The following CFAP99 variants were observed in gnomAD, a reference collection of about 807,000 sequenced individuals.
CFAP99 encodes cilia and flagella associated protein 99.
A neutral mutation model predicts 82.7 loss-of-function variants in CFAP99; 84 were observed. That is an observed-to-expected ratio of 1.02 (90% confidence interval 0.85 to 1.22). CFAP99 has a LOEUF of 1.22. Ranked by LOEUF, CFAP99 falls within the 50% of genes most tolerant of loss-of-function variation. CFAP99 has a pLI of 0.00. For synonymous variants in CFAP99, 456 were observed against 429.5 expected (o/e 1.06, Z -0.76); for missense variants, 1,059 against 983.5 (o/e 1.08, Z -1.03).
In CFAP99 at chr4:2,434,075, G is replaced by A. The variant is rs139828205; in HGVS notation, c.112-2799G>A. ...GAAGGGCCAGGAAGACAGACCGAGA[G>A]ACACGCTGGGAGTAAGGAACCACGT... is the stretch of plus-strand genomic sequence containing the variant. On this transcript the variant is annotated intron_variant, in intron 2 of 14. Transcript: ENST00000635017. Among the ~76,000 whole-genome samples, 304 of 152,366 alleles carry A rather than the reference G, an allele frequency of 2.0e-3. 1 individual carries two copies. Among genetic ancestry groups the A allele is most frequent in the South Asian group, 2.7e-3 (13 of 4,826 alleles).
chr4:2,422,450 G>A (rs929726289), intron 1 of CFAP99, among the ~76,000 whole-genome samples: 4 of 152,130 alleles, frequency 2.6e-5, no homozygotes, highest in South Asian at 4.1e-4. Flanking sequence ...ATTGGGGGGC[G>A]GGCTTGGCAT....
At chr4:2,460,837 C>T (rs1358968170) in intron 14 of CFAP99, among the ~76,000 whole-genome samples, 1 of 152,152 alleles carries the variant, frequency 6.6e-6, no homozygotes, top group Non-Finnish European at 1.5e-5. Flanking sequence ...GCAACCTCTG[C>T]CTCCCAGGTT....
At chr4:2,432,707 T>TGGGTCC (rs1198624344) in intron 2 of CFAP99, among the ~76,000 whole-genome samples, 16 of 152,230 alleles carry the variant, frequency 1.1e-4, no homozygotes, top group African/African-American at 3.1e-4. Context: ...GACCCTTTGC[T>TGGGTCC]ATTGAGTGCC....
At position 2,448,841 on chromosome 4, in the gene CFAP99, A is replaced by C. The variant is rs1360850677; in HGVS notation, c.643-829A>C. 6.6e-6 allele frequency among the ~76,000 whole-genome samples: 1 copy of C among 152,220 alleles called. No homozygotes were observed. The highest frequency in any genetic ancestry group is 1.5e-5 in the Non-Finnish European group (1 of 68,040). ...GCTGGCGCCAACACAGGGTCCCTCC[A>C]GCTGCCGTGGCCAAGGAGGGCAGTG... is the stretch of plus-strand genomic sequence containing the variant. On this transcript the variant is annotated intron_variant, in intron 6 of 14. Transcript: ENST00000635017. The surrounding 1 kb of genome is among the most constrained non-coding windows in gnomAD (Gnocchi z 5.2).
exon 3 of CFAP99, chr4:2,436,891 G>C (rs921755740): frequency 6.5e-7 from 1 of 1,535,844 alleles, no homozygotes; most frequent in African/African-American, 1.4e-5. Context: ...GCCCCCAGAA[G>C]CAGAGCTTTG....
In CFAP99 at chr4:2,462,665, G is replaced by A. The variant is rs776636420; in HGVS notation, c.1884G>A (p.Trp628Ter). 4.7e-6 allele frequency: 6 copies of A among 1,268,338 alleles called. No individual in the cohort carries two copies. Among genetic ancestry groups the A allele is most frequent in the South Asian group, 2.7e-5 (1 of 37,410 alleles). 78.6% of individuals were successfully genotyped at this position (1,268,338 alleles called of 1,614,324 possible). Residue 628 changes from tryptophan (W) to a stop codon, truncating the protein, a stop_gained, in exon 15 of 15, where the codon TGG becomes TGA. Coordinates refer to ENST00000635017, the Ensembl canonical transcript of CFAP99. LOFTEE classifies it low-confidence loss of function (END_TRUNC). The surrounding 1 kb of genome is among the most constrained non-coding windows in gnomAD (Gnocchi z 4.1). ...TGAAAGCCGGGGCCGGGTGGGGATG[G>A]CGGGCGCGGCGCGCAGGGACCGGCG...
At chr4:2,444,464 G>C (rs78517668) in intron 5 of CFAP99, among the ~76,000 whole-genome samples, 31 of 152,324 alleles carry the variant, frequency 2.0e-4, no homozygotes, top group African/African-American at 7.2e-4. Flanking sequence ...TGAGGGAGGA[G>C]CTATTTGAAG....
intron 8 of CFAP99, chr4:2,450,220 C>T: frequency 1.7e-6 from 1 of 591,316 alleles, no homozygotes; most frequent in Admixed American, 2.9e-5. Flanking sequence ...CCCACATCCC[C>T]CAGGAGGAAG....
intron 11 of CFAP99, among the ~76,000 whole-genome samples, chr4:2,454,140 G>C (rs747409156): frequency 2.0e-5 from 3 of 152,038 alleles, no homozygotes; most frequent in Non-Finnish European, 4.4e-5. Context: ...TGGTATTATA[G>C]GCGCATGCCA....
chr4:2,433,249 C>G (rs916797860), intron 2 of CFAP99, among the ~76,000 whole-genome samples: 3 of 152,246 alleles, frequency 2.0e-5, no homozygotes, highest in African/African-American at 4.8e-5. Context: ...ACTTCCCAAA[C>G]ACAGACGTCA....
intron 2 of CFAP99, 113 bp downstream of exon 2, chr4:2,426,699 A>C: frequency 1.4e-6 from 1 of 707,650 alleles, no homozygotes; most frequent in South Asian, 1.6e-5. Flanking sequence ...CCACATGGGG[A>C]GAAGCTGACC....
Position 2,449,884 on chromosome 4 carries a change from G to A in CFAP99, c.724-50G>A, listed in dbSNP as rs181597786. ...AAGTTCGTCCTCCCATGGCCTGGAG[G>A]ACACTGGGCAGAGGCTGGTGGGACT... On this transcript the variant is annotated intron_variant, in intron 7 of 14. Transcript: ENST00000635017. The A allele has an allele frequency of 2.8e-3, 4,259 of 1,535,126 alleles. 36 individuals are homozygous for A. Among genetic ancestry groups the A allele is most frequent in the African/African-American group, 0.018 (1,305 of 73,134 alleles).
chr4:2,459,873 A>C (rs2108737344), intron 13 of CFAP99, among the ~76,000 whole-genome samples, 164 bp from the exon 14 acceptor site: 1 of 152,306 alleles, frequency 6.6e-6, no homozygotes, highest in Middle Eastern at 3.4e-3. Flanking sequence ...AGTGTTGCAG[A>C]GCGGAGCCCA....
At chr4:2,441,079 T>TATA (rs964924750) in intron 4 of CFAP99, among the ~76,000 whole-genome samples, 11 of 148,636 alleles carry the variant, frequency 7.4e-5, no homozygotes, top group East Asian at 2.0e-4. Context: ...ATAATAATAA[T>TATA]ATAATAATAA....
At chr4:2,430,074 G>T (rs1003282363) in intron 2 of CFAP99, among the ~76,000 whole-genome samples, 2 of 151,494 alleles carry the variant, frequency 1.3e-5, no homozygotes. Context: ...AAACCAAACG[G>T]CAGACTGCGG....
At chr4:2,451,334 T>C in exon 10 of CFAP99, 2 of 1,535,586 alleles carry the variant, frequency 1.3e-6, no homozygotes, top group Non-Finnish European at 1.7e-6. Context: ...CAGCGGCAGG[T>C]GGAGCAGGAG....
intron 11 of CFAP99, among the ~76,000 whole-genome samples, chr4:2,456,212 T>A (rs1734429306): frequency 6.6e-6 from 1 of 152,148 alleles, no homozygotes; most frequent in Non-Finnish European, 1.5e-5. Flanking sequence ...ATTTTATTTT[T>A]TTGGGAGATG....
chr4:2,446,302 T>G lies in CFAP99; in HGVS notation c.642+994T>G, dbSNP rs1734162619. Among the ~76,000 whole-genome samples the G allele has an allele frequency of 6.6e-6, 1 of 152,204 alleles. No individual in the cohort carries two copies. Among genetic ancestry groups the G allele is most frequent in the Non-Finnish European group, 1.5e-5 (1 of 68,038 alleles). Reference sequence around the variant, plus strand: ...TTTGTGGGCCTGCCTATTGTCTGCCTATTCCAGCAGACATCATCCATCTTA... The same window carrying G: ...TTTGTGGGCCTGCCTATTGTCTGCCGATTCCAGCAGACATCATCCATCTTA... On this transcript the variant is annotated intron_variant, in intron 6 of 14. Coordinates refer to ENST00000635017, the Ensembl canonical transcript of CFAP99. The surrounding 1 kb of genome is among the most constrained non-coding windows in gnomAD (Gnocchi z 5.0).
exon 11 of CFAP99, chr4:2,452,279 A>C: frequency 1.3e-6 from 2 of 1,535,748 alleles, no homozygotes; most frequent in Non-Finnish European, 1.7e-6. Flanking sequence ...AGCCATGAGG[A>C]GGCCGTCCTA....
Sources: allele counts gnomAD v4.1 joint callset (sites outside exome capture counted in the v4.1 genomes callset), GRCh38; gene constraint gnomAD v4.1.1; non-coding constraint Gnocchi (gnomAD v3.1); transcripts MANE v1.5; gene names NCBI Gene and HGNC (gene_info 2026-07-23, HGNC 2026-07-21).